FOXN3: variants seen among roughly 807,000 people sequenced by gnomAD.
FOXN3 encodes the protein forkhead box N3, also known as forkhead box protein N3.
Under a neutral mutation model 38.4 loss-of-function variants are expected in FOXN3, and 7 were observed. That is an observed-to-expected ratio of 0.18 (90% confidence interval 0.10 to 0.34). The LOEUF (loss-of-function observed/expected upper bound fraction) is 0.34. FOXN3 is among the 10% of genes least tolerant of loss of function. The pLI is 1.00. For missense variants in FOXN3, 456 were observed against 613.4 expected, an observed-to-expected ratio of 0.74 and a Z score of 2.71; for synonymous variants, 230 against 242.2, an observed-to-expected ratio of 0.95 and a Z score of 0.47.
chr14:89,253,313 G>C (rs906328649), intron 4 of FOXN3, among the ~76,000 whole-genome samples: 1 of 152,194 alleles, frequency 6.6e-6, no homozygotes. Flanking sequence ...GAAGCTTCTG[G>C]AAGAGTGAAT....
rs552739971 is a variant in FOXN3, at chr14:89,157,385, G to A, written c.*5029C>T. ...TTCATGATAAAGCAACCGAGCTGAC[G>A]AGTCTGTGCTTAATTCAAGAATAAC... On this transcript the variant is annotated 3_prime_UTR_variant, in exon 6 of 6. Transcript: ENST00000557258. The A allele has an allele frequency of 7.4e-4, 113 of 152,760 alleles. 1 individual carries two copies. The highest frequency in any genetic ancestry group is 2.6e-3 in the African/African-American group (106 of 41,568). 9.5% of individuals were successfully genotyped at this position (152,760 alleles called of 1,614,324 possible).
intron 1 of FOXN3, among the ~76,000 whole-genome samples, chr14:89,543,178 C>T (rs1894824593): frequency 6.6e-6 from 1 of 152,214 alleles, no homozygotes; most frequent in East Asian, 1.9e-4. Context: ...CCAACAAGTA[C>T]ACCTGGTGAG....
intron 1 of FOXN3, among the ~76,000 whole-genome samples, chr14:89,434,097 G>A (rs1892223278): frequency 7.0e-6 from 1 of 141,952 alleles, no homozygotes; most frequent in Non-Finnish European, 1.5e-5. Context: ...CTAATTTTAG[G>A]TATTTTTAGT....
chr14:89,318,669 C>T (rs1596179765), intron 3 of FOXN3, among the ~76,000 whole-genome samples: 1 of 152,168 alleles, frequency 6.6e-6, no homozygotes, highest in Non-Finnish European at 1.5e-5. Flanking sequence ...CTTGCATCAA[C>T]CCTATGAGAA....
chr14:89,388,036 A>G (rs925291684), intron 2 of FOXN3, among the ~76,000 whole-genome samples: 4 of 152,172 alleles, frequency 2.6e-5, no homozygotes, highest in African/African-American at 9.7e-5. Context: ...TACAAAAATT[A>G]GCCTAGGCGT....
chr14:89,584,036 T>G (rs1895796372), intron 1 of FOXN3, among the ~76,000 whole-genome samples: 1 of 151,342 alleles, frequency 6.6e-6, no homozygotes, highest in African/African-American at 2.4e-5. Flanking sequence ...ATTTTTGTAT[T>G]TTCAGTAGAG....
chr14:89,417,757 C>T (rs568705665), upstream of FOXN3: 1,248 of 455,808 alleles, frequency 2.7e-3, 4 homozygotes, highest in Middle Eastern at 5.8e-3. Context: ...CCCCCAGGGC[C>T]TTCCGAGCCC....
intron 4 of FOXN3, among the ~76,000 whole-genome samples, chr14:89,274,106 C>G (rs2139908166): frequency 1.3e-5 from 2 of 152,174 alleles, no homozygotes; most frequent in Middle Eastern, 3.4e-3. Context: ...CAAGCTCCAA[C>G]CAAATGGGAA....
chr14:89,235,042 G>A (rs1884940451), intron 4 of FOXN3, among the ~76,000 whole-genome samples: 1 of 152,144 alleles, frequency 6.6e-6, no homozygotes, highest in Non-Finnish European at 1.5e-5. Context: ...TTTATGCCTT[G>A]AACTATGGTC....
chr14:89,340,498 C>T (rs1487519009), intron 3 of FOXN3, among the ~76,000 whole-genome samples: 2 of 152,152 alleles, frequency 1.3e-5, no homozygotes, highest in Admixed American at 6.5e-5. Context: ...TTCCGTACCT[C>T]TCACATCCAT....
At chr14:89,219,766 T>C (rs1884404184) in intron 4 of FOXN3, among the ~76,000 whole-genome samples, 1 of 152,234 alleles carries the variant, frequency 6.6e-6, no homozygotes, top group Non-Finnish European at 1.5e-5. Flanking sequence ...GTAGGCATTG[T>C]CAATGAATGT....
In FOXN3 at chr14:89,350,805, T is replaced by C. The variant is rs1230979612; in HGVS notation, c.547A>G (p.Ile183Val). 8 of 1,546,376 alleles carry C rather than the reference T, an allele frequency of 5.2e-6. No homozygotes were observed. The highest frequency in any genetic ancestry group is 6.1e-6 in the Non-Finnish European group (7 of 1,153,884). ...ATGCACCACAACGACCCTTTCCCAA[T>C]ACTCTGCAAAGAAAATTAAAATACA... ...KKVDKERSQS[I>V]GKGSLWCIDP... Residue 183 changes from isoleucine (I) to valine (V), a missense_variant, in exon 3 of 6, where the codon ATT (isoleucine) becomes GTT (valine). Transcript: ENST00000557258.
intron 4 of FOXN3, among the ~76,000 whole-genome samples, chr14:89,205,175 T>C (rs1888348188): frequency 1.3e-5 from 2 of 151,944 alleles, no homozygotes; most frequent in Non-Finnish European, 1.5e-5. Flanking sequence ...GGCAAGTTCC[T>C]TACTTTCTAG....
intron 3 of FOXN3, among the ~76,000 whole-genome samples, chr14:89,311,451 G>A (rs1490377511): frequency 1.1e-4 from 14 of 133,326 alleles, no homozygotes; most frequent in East Asian, 6.6e-4. Flanking sequence ...CAGCCTGGGC[G>A]ACAAGGCGAG....
At chr14:89,509,664 C>G (rs1377761507) in intron 1 of FOXN3, among the ~76,000 whole-genome samples, 1 of 152,210 alleles carries the variant, frequency 6.6e-6, no homozygotes, top group African/African-American at 2.4e-5. Context: ...GATGCCAGCC[C>G]CAAGAGGGCA....
chr14:89,576,458 T>C (rs1895620412), intron 1 of FOXN3: 1 of 151,094 alleles, frequency 6.6e-6, no homozygotes, highest in African/African-American at 2.4e-5. Flanking sequence ...TATATAATTA[T>C]ATAACACTCA....
At chr14:89,313,507 G>A (rs1293094813) in intron 3 of FOXN3, among the ~76,000 whole-genome samples, 6 of 151,554 alleles carry the variant, frequency 4.0e-5, no homozygotes, top group Admixed American at 2.0e-4. Flanking sequence ...GCAGTGAGCC[G>A]AGATCATGGC....
chr14:89,520,813 A>G (rs1894302606), intron 1 of FOXN3, among the ~76,000 whole-genome samples: 1 of 152,234 alleles, frequency 6.6e-6, no homozygotes, highest in Non-Finnish European at 1.5e-5. Flanking sequence ...GCCAACAGCA[A>G]TCAGAAAGAC....
In FOXN3 at chr14:89,597,530, G is replaced by C. The variant is rs1298902115; in HGVS notation, c.-15+21498C>G. The stretch of plus-strand genomic sequence containing the variant: ...TCCTTATTTATTTTGTCTCTAGATT[G>C]TACCAATTACTGAGAGGTGTTTTAA... On this transcript the variant is annotated intron_variant, in intron 1 of 6. Coordinates refer to the FOXN3 transcript ENST00000345097. 3.9e-5 allele frequency among the ~76,000 whole-genome samples: 6 copies of C among 152,118 alleles called. No homozygotes were observed. In the East Asian group the frequency reaches 1.2e-3, roughly 29 times the overall value.
Sources: gnomAD v4.1 joint callset for allele counts (sites outside exome capture counted in the v4.1 genomes callset) on GRCh38, gnomAD v4.1.1 for gene constraint, MANE v1.5 for transcripts, NCBI Gene and HGNC (gene_info 2026-07-23, HGNC 2026-07-21) for gene names.